Variants in CAP2 observed in about 807,000 individuals in gnomAD.
CAP2 encodes cyclase associated actin cytoskeleton regulatory protein 2, also known as adenylyl cyclase-associated protein 2.
Under a neutral mutation model 57.7 loss-of-function variants are expected in CAP2, and 24 were observed. The ratio of observed to expected loss-of-function variants is 0.42; its 90% confidence interval spans 0.30 to 0.58. The LOEUF is 0.58. Ranked by LOEUF, CAP2 falls within the 20% of genes least tolerant of loss-of-function variation. CAP2 has a pLI of 0.22. For missense variants in CAP2, 501 were observed against 590.3 expected (o/e 0.85, Z 1.57); for synonymous variants, 194 against 207.2 (o/e 0.94, Z 0.55).
chr6:17,483,308 A>G (rs561498999), intron 4 of CAP2, among the ~76,000 whole-genome samples: 3 of 152,232 alleles, frequency 2.0e-5, no homozygotes, highest in Non-Finnish European at 4.4e-5. Context: ...GTACATAGAT[A>G]GCATTCAGCA....
intron 4 of CAP2, among the ~76,000 whole-genome samples, chr6:17,484,665 T>C (rs1761378216): frequency 6.6e-6 from 1 of 152,080 alleles, no homozygotes; most frequent in Admixed American, 6.5e-5. Context: ...CTGAGGGTAG[T>C]GTTTATATGG....
intron 1 of CAP2, among the ~76,000 whole-genome samples, chr6:17,416,978 T>A (rs1261100659): frequency 6.6e-6 from 1 of 152,020 alleles, no homozygotes; most frequent in East Asian, 1.9e-4. Context: ...TGCACTGTAA[T>A]CCTAGTTACT....
chr6:17,453,566 A>G (rs990331672), intron 3 of CAP2, among the ~76,000 whole-genome samples: 1 of 152,172 alleles, frequency 6.6e-6, no homozygotes, highest in Non-Finnish European at 1.5e-5. Context: ...TAATACATGT[A>G]AGTTGTCTGC....
chr6:17,421,020 T>G (rs754261772), intron 1 of CAP2, among the ~76,000 whole-genome samples: 1 of 152,102 alleles, frequency 6.6e-6, no homozygotes, highest in Non-Finnish European at 1.5e-5. Context: ...ATAAAGAAAA[T>G]GTGGTATATA....
At chr6:17,536,755 T>C (rs1239010398) in intron 7 of CAP2, among the ~76,000 whole-genome samples, 1 of 152,216 alleles carries the variant, frequency 6.6e-6, no homozygotes, top group Non-Finnish European at 1.5e-5. Flanking sequence ...GGGAAGGGGC[T>C]GTCCCTTCAC....
chr6:17,444,843 CA>C (rs376525304), intron 3 of CAP2, among the ~76,000 whole-genome samples: 15 of 139,736 alleles, frequency 1.1e-4, no homozygotes, highest in African/African-American at 3.8e-4. Context: ...CACACACACA[CA>C]ACACGAGTCC....
At position 17,513,825 on chromosome 6, in the gene CAP2, C is replaced by A. The variant is rs1464945504; in HGVS notation, c.531-24C>A. On this transcript the variant is annotated intron_variant, in intron 6 of 12. Coordinates refer to ENST00000229922, the MANE Select transcript of CAP2 (RefSeq NM_006366.3). This position sits in a 1 kb window ranked among gnomAD's most constrained non-coding sequence, Gnocchi z 4.3. The stretch of plus-strand genomic sequence containing the variant: ...TTATTTTAGATCCTAACTCTGCTTT[C>A]TTCAACCCTCTTTCACAACAAAGTG... 6 of 1,513,766 alleles carry A rather than the reference C, an allele frequency of 4.0e-6. No individual in the cohort carries two copies. Among genetic ancestry groups the A allele is most frequent in the Non-Finnish European group, 4.6e-6 (5 of 1,088,330 alleles). 93.8% of individuals were successfully genotyped at this position (1,513,766 alleles called of 1,614,324 possible).
intron 5 of CAP2, 24 bp downstream of exon 5, chr6:17,507,336 T>G: frequency 6.2e-7 from 1 of 1,612,216 alleles, no homozygotes; most frequent in Non-Finnish European, 8.5e-7. Flanking sequence ...CAATGTTGCC[T>G]CTTCACCTCA....
chr6:17,529,379 C>T (rs1762584289), intron 7 of CAP2, among the ~76,000 whole-genome samples: 1 of 152,102 alleles, frequency 6.6e-6, no homozygotes, highest in South Asian at 2.1e-4. Flanking sequence ...TGGTGGCTCA[C>T]GCCTGTAATC....
intron 11 of CAP2, among the ~76,000 whole-genome samples, chr6:17,544,751 C>T (rs1365989125): frequency 5.3e-5 from 8 of 152,112 alleles, no homozygotes; most frequent in South Asian, 4.1e-4. Flanking sequence ...GACAGGGTTT[C>T]GCCATATTGG....
At chr6:17,421,156 A>C (rs1759433196) in intron 1 of CAP2, among the ~76,000 whole-genome samples, 1 of 152,196 alleles carries the variant, frequency 6.6e-6, no homozygotes, top group Admixed American at 6.5e-5. Context: ...CAAATATCAT[A>C]TGTTCCTCAC....
chr6:17,477,720 G>GA lies in CAP2; in HGVS notation c.300+14653dup, dbSNP rs1466953396. Reference sequence around the variant, plus strand: ...ATGTCCTGACCTATCGATTGCTTGTGAAAAAACTATTGTTCCCATGTATAT... The same window carrying GA: ...ATGTCCTGACCTATCGATTGCTTGTGAAAAAAACTATTGTTCCCATGTATAT... On this transcript the variant is annotated intron_variant, in intron 4 of 12. Coordinates refer to ENST00000229922, the MANE Select transcript of CAP2 (RefSeq NM_006366.3). 3.9e-5 allele frequency among the ~76,000 whole-genome samples: 6 copies of GA among 152,206 alleles called. No homozygotes were observed. The East Asian group carries it at 1.2e-3, about 29-fold the overall frequency.
chr6:17,431,672 T>A (rs1010413658), intron 3 of CAP2, among the ~76,000 whole-genome samples: 1 of 152,186 alleles, frequency 6.6e-6, no homozygotes, highest in Non-Finnish European at 1.5e-5. Context: ...TGACTCACAC[T>A]GGCAGATTGT....
intron 3 of CAP2, among the ~76,000 whole-genome samples, chr6:17,427,654 T>A (rs967274743): frequency 1.3e-5 from 2 of 152,072 alleles, no homozygotes; most frequent in African/African-American, 4.8e-5. Flanking sequence ...CAATTTCACT[T>A]CTATGTATAT....
intron 4 of CAP2, among the ~76,000 whole-genome samples, chr6:17,489,363 C>T (rs764095977): frequency 1.7e-4 from 26 of 152,120 alleles, no homozygotes; most frequent in African/African-American, 5.1e-4. Flanking sequence ...GCCTGGTAGG[C>T]GGAGGCTGCA....
Position 17,539,272 on chromosome 6 carries a change from C to G in CAP2, c.640C>G (p.Pro214Ala). 1 of 1,612,816 alleles carries G rather than the reference C, an allele frequency of 6.2e-7. No homozygotes were observed. The highest frequency in any genetic ancestry group is 1.7e-4 in the Middle Eastern group (1 of 6,012). ...TTGLTWSKTG[P>A]VASTVSAFSV... ...GCCCTGTCTTCTGTCTTCTCAGGGT[C>G]CTGTAGCATCCACAGTATCAGCGTT... Residue 214 changes from proline (P) to alanine (A), a missense_variant, in exon 8 of 13, where the codon CCT becomes GCT. Physicochemically the swap from Pro to Ala is conservative, Grantham distance 27 (BLOSUM62 -1). Transcript: ENST00000229922.
intron 2 of CAP2, among the ~76,000 whole-genome samples, chr6:17,425,256 A>T (rs1211835386): frequency 6.6e-6 from 1 of 152,164 alleles, no homozygotes; most frequent in African/African-American, 2.4e-5. Flanking sequence ...GAAATCAGGG[A>T]CTTAGATTTT....
At chr6:17,401,891 T>C (rs1758827968) in intron 1 of CAP2, among the ~76,000 whole-genome samples, 1 of 152,202 alleles carries the variant, frequency 6.6e-6, no homozygotes, top group South Asian at 2.1e-4. Flanking sequence ...TCAATGCCTC[T>C]TTCTGAATGG....
At chr6:17,525,076 T>C (rs1762474775) in intron 7 of CAP2, among the ~76,000 whole-genome samples, 1 of 151,682 alleles carries the variant, frequency 6.6e-6, no homozygotes, top group African/African-American at 2.4e-5. Flanking sequence ...TTTGTACTTT[T>C]TTTAAAAATA....
Sources: gnomAD v4.1 joint callset for allele counts (sites outside exome capture counted in the v4.1 genomes callset) on GRCh38, gnomAD v4.1.1 for gene constraint, Gnocchi (gnomAD v3.1) non-coding constraint, MANE v1.5 for transcripts, NCBI Gene and HGNC (gene_info 2026-07-23, HGNC 2026-07-21) for gene names.